CDH23: variants seen among roughly 807,000 people sequenced by gnomAD.
CDH23 encodes the protein cadherin-23.
Under a neutral mutation model 317.1 loss-of-function variants are expected in CDH23, and 189 were observed. That is an observed-to-expected ratio of 0.60 (90% CI 0.53 to 0.67). The LOEUF is 0.67. Ranked by LOEUF, CDH23 falls within the 30% of genes least tolerant of loss-of-function variation. The probability of loss-of-function intolerance (pLI) is 0.00; values close to 1 mark genes in which losing one functional copy is unlikely to be tolerated. For missense variants in CDH23, 4,401 were observed against 4,592.4 expected (o/e 0.96, Z 1.20); for synonymous variants, 1,839 against 1,876.8 (o/e 0.98, Z 0.52).
At chr10:71,566,690 G>T (rs944250300) in intron 6 of CDH23, 52 bp from the exon 7 acceptor site, 2 of 1,489,716 alleles carry the variant, frequency 1.3e-6, no homozygotes, top group Non-Finnish European at 9.0e-7. Flanking sequence ...CCCTGATGGC[G>T]CAGCTGCTCC....
intron 3 of CDH23, among the ~76,000 whole-genome samples, chr10:71,457,251 G>A (rs1850740856): frequency 6.6e-6 from 1 of 152,182 alleles, no homozygotes; most frequent in Admixed American, 6.5e-5. Flanking sequence ...GGTTAAAAAT[G>A]AAAATAACAA....
intron 31 of CDH23, among the ~76,000 whole-genome samples, chr10:71,731,022 C>A (rs1257496346): frequency 6.6e-6 from 1 of 152,240 alleles, no homozygotes; most frequent in Non-Finnish European, 1.5e-5. Context: ...CACACGCAGA[C>A]CCCCTGACCC....
rs190946691 is a variant in CDH23, at chr10:71,778,724, C to T, written c.5187+416C>T. On this transcript the variant is annotated intron_variant, in intron 40 of 69. Transcript: ENST00000224721. ...TAAATGAAACCACGTAAGACAACCA[C>T]AGTGCAGCAACAAATAGAAGTTTAT... Among the ~76,000 whole-genome samples, 4 of 152,320 alleles carry T rather than the reference C, an allele frequency of 2.6e-5. No individual in the cohort carries two copies. The South Asian group carries it at 8.3e-4, about 32-fold the overall frequency.
At chr10:71,669,256 G>C (rs116299152) in intron 14 of CDH23, among the ~76,000 whole-genome samples, 1 of 152,142 alleles carries the variant, frequency 6.6e-6, no homozygotes, top group African/African-American at 2.4e-5. Context: ...TTCTAGGTGC[G>C]CAGCCGATGA....
At chr10:71,741,000 G>C (rs1481561204) in intron 37 of CDH23, 50 bp downstream of exon 37, 1 of 1,609,402 alleles carries the variant, frequency 6.2e-7, no homozygotes, top group Non-Finnish European at 8.5e-7. Flanking sequence ...GGGGACCGTG[G>C]GCACGAGCCA....
chr10:71,560,939 A>G (rs1321648170), intron 6 of CDH23, among the ~76,000 whole-genome samples: 2 of 152,242 alleles, frequency 1.3e-5, no homozygotes, highest in Non-Finnish European at 2.9e-5. Context: ...TATGGTGGAA[A>G]TGGTAGGGCT....
rs115007197 is a variant in CDH23 at position 71,585,001 on chromosome 10, C to T, written c.832+7009C>T. ...GTAGGTTATTGAGTGCAGCTGGGGT[C>T]GGGGAAGTGAACGCGGGGTCACCAG... On this transcript the variant is annotated intron_variant, in intron 9 of 69. Coordinates refer to ENST00000224721, the MANE Select transcript of CDH23 (RefSeq NM_022124.6). 4.9e-3 allele frequency among the ~76,000 whole-genome samples: 750 copies of T among 151,778 alleles called. 6 individuals are homozygous for T. The highest frequency in any genetic ancestry group is 0.017 in the African/African-American group (722 of 41,398).
At chr10:71,618,901 A>C (rs1444088532) in intron 11 of CDH23, among the ~76,000 whole-genome samples, 4 of 152,146 alleles carry the variant, frequency 2.6e-5, no homozygotes, top group Non-Finnish European at 5.9e-5. Flanking sequence ...TTCCATACCT[A>C]TCTGTCTGAG....
intron 17 of CDH23, among the ~76,000 whole-genome samples, chr10:71,681,399 C>T (rs2132679802): frequency 6.6e-6 from 1 of 152,274 alleles, no homozygotes; most frequent in South Asian, 2.1e-4. Context: ...CAGTCGTGTG[C>T]AGTGGTAGGG....
At chr10:71,723,883 A>G (rs1445807233) in intron 28 of CDH23, among the ~76,000 whole-genome samples, 162 bp from the exon 29 acceptor site, 1 of 152,138 alleles carries the variant, frequency 6.6e-6, no homozygotes, top group Non-Finnish European at 1.5e-5. Flanking sequence ...TTAGAAAGAC[A>G]TACACGTCCC....
intron 38 of CDH23, chr10:71,773,402 C>T (rs751692062): frequency 1.9e-6 from 3 of 1,608,994 alleles, no homozygotes; most frequent in East Asian, 4.5e-5. Context: ...GGATCCCCAG[C>T]GCCAGCTGCC....
chr10:71,443,480 T>C (rs1005893927), intron 2 of CDH23, among the ~76,000 whole-genome samples: 1 of 152,194 alleles, frequency 6.6e-6, no homozygotes, highest in Non-Finnish European at 1.5e-5. Flanking sequence ...TGTGCCCTTC[T>C]CTCCCCTCTC....
chr10:71,632,190 G>T (rs1862045061), intron 11 of CDH23, among the ~76,000 whole-genome samples: 1 of 152,152 alleles, frequency 6.6e-6, no homozygotes, highest in South Asian at 2.1e-4. Context: ...CCCCAAAAAG[G>T]ATGAAGTGAG....
Position 71,397,502 on chromosome 10 carries a change from T to A in CDH23, c.-6+184T>A, listed in dbSNP as rs1377534947. ...CGGTCCCAGGCCCCTGGCCCTAGCC[T>A]CGCGCCCCGCTCCGAGCTCCCCGAC... On this transcript the variant is annotated intron_variant, in intron 1 of 69. Transcript: ENST00000224721. The surrounding 1 kb of genome is among the most constrained non-coding windows in gnomAD (Gnocchi z 4.8). Among the ~76,000 whole-genome samples the A allele has an allele frequency of 1.3e-5, 2 of 149,096 alleles. No individual in the cohort carries two copies. The highest frequency in any genetic ancestry group is 1.3e-4 in the Admixed American group (2 of 15,036).
chr10:71,450,420 C>T (rs768912626), intron 3 of CDH23, among the ~76,000 whole-genome samples: 1 of 152,102 alleles, frequency 6.6e-6, no homozygotes, highest in South Asian at 2.1e-4. Flanking sequence ...CACACGCCAC[C>T]ACTCCCAGCT....
chr10:71,437,889 C>G (rs1849688391), intron 1 of CDH23, among the ~76,000 whole-genome samples: 1 of 152,172 alleles, frequency 6.6e-6, no homozygotes. Flanking sequence ...ACCCACCCAG[C>G]AACACCCTCA....
chr10:71,778,454 C>A, intron 40 of CDH23, 146 bp downstream of exon 40: 1 of 1,091,476 alleles, frequency 9.2e-7, no homozygotes, highest in Non-Finnish European at 1.3e-6. Flanking sequence ...CTCAGCAACT[C>A]ACTCAAACTT....
chr10:71,699,636 G>A (rs971383543), intron 22 of CDH23, among the ~76,000 whole-genome samples: 2 of 152,324 alleles, frequency 1.3e-5, no homozygotes, highest in Middle Eastern at 3.4e-3. Context: ...CTGGCTGATG[G>A]GCATTGATTT....
intron 3 of CDH23, among the ~76,000 whole-genome samples, chr10:71,490,960 A>G (rs1852621748): frequency 6.6e-6 from 1 of 152,134 alleles, no homozygotes; most frequent in Non-Finnish European, 1.5e-5. Context: ...AGAGGGGCTG[A>G]GATCACACCT....
Sources: gnomAD v4.1 joint callset for allele counts (sites outside exome capture counted in the v4.1 genomes callset) on GRCh38, gnomAD v4.1.1 for gene constraint, Gnocchi (gnomAD v3.1) non-coding constraint, MANE v1.5 for transcripts, NCBI Gene and HGNC (gene_info 2026-07-23, HGNC 2026-07-21) for gene names.